FANCB: variants seen among roughly 807,000 people sequenced by gnomAD.
The protein encoded by FANCB is Fanconi anemia group B protein.
In FANCB, 5 loss-of-function variants were observed where a neutral mutation model predicts 38.9. The ratio of observed to expected loss-of-function variants is 0.13; its 90% confidence interval spans 0.07 to 0.27. FANCB has a LOEUF of 0.27. Ranked by LOEUF, FANCB falls within the 10% of genes least tolerant of loss-of-function variation. The probability of loss-of-function intolerance (pLI) is 1.00; values close to 1 mark genes in which losing one functional copy is unlikely to be tolerated. For missense variants in FANCB, 573 were observed against 602.7 expected, an observed-to-expected ratio of 0.95 and a Z score of 0.52; for synonymous variants, 236 against 215.4, an observed-to-expected ratio of 1.10 and a Z score of -0.84.
chrX:14,756,136 A>G, the FANCB span, among the ~76,000 whole-genome samples: 1 of 112,251 alleles, frequency 8.9e-6, no homozygotes, highest in African/African-American at 3.2e-5. Flanking sequence ...CAGAAAAATG[A>G]AACTAGACCC....
At chrX:14,710,098 C>A in the FANCB span, among the ~76,000 whole-genome samples, 2 of 111,684 alleles carry the variant, frequency 1.8e-5, no homozygotes, top group Non-Finnish European at 3.8e-5. Flanking sequence ...CACACCTGGG[C>A]GATTTCATCA....
the FANCB span, among the ~76,000 whole-genome samples, chrX:14,724,409 G>A: frequency 0.037 from 4,051 of 109,042 alleles, 164 homozygotes; most frequent in African/African-American, 0.11. Context: ...GTGCATCACC[G>A]GAAGTCAGGA....
chrX:14,754,923 AAT>A, the FANCB span, among the ~76,000 whole-genome samples: 4 of 111,850 alleles, frequency 3.6e-5, no homozygotes, highest in Non-Finnish European at 7.5e-5. Context: ...CTCCCTGATG[AAT>A]ATAGACGCAA....
At chrX:14,710,209 T>C in the FANCB span, among the ~76,000 whole-genome samples, 1 of 112,129 alleles carries the variant, frequency 8.9e-6, no homozygotes, top group Non-Finnish European at 1.9e-5. Flanking sequence ...TTGAGTTTAC[T>C]GAGCCCCCTG....
the FANCB span, among the ~76,000 whole-genome samples, chrX:14,783,376 A>C: frequency 2.2e-4 from 25 of 111,579 alleles, no homozygotes; most frequent in East Asian, 7.1e-3. Context: ...GAGTCCCCTA[A>C]ATCCCCAACC....
intron 5 of FANCB, among the ~76,000 whole-genome samples, chrX:14,855,073 C>T (rs1441802474): frequency 1.8e-5 from 2 of 111,600 alleles, no homozygotes; most frequent in Non-Finnish European, 3.8e-5. Context: ...CCACGATTTA[C>T]TTCTCCACTC....
intron 7 of FANCB, among the ~76,000 whole-genome samples, chrX:14,849,472 C>T (rs72614577): frequency 1.3e-4 from 15 of 111,822 alleles, no homozygotes; most frequent in African/African-American, 4.5e-4. Context: ...GGTTTCTCTG[C>T]GTACCCGTGG....
At chrX:14,809,372 C>A in the FANCB span, among the ~76,000 whole-genome samples, 2 of 112,345 alleles carry the variant, frequency 1.8e-5, no homozygotes, top group South Asian at 7.3e-4. Context: ...TGAAGCAGGG[C>A]GAGGCATTGC....
the FANCB span, among the ~76,000 whole-genome samples, chrX:14,830,003 G>C: frequency 8.9e-6 from 1 of 112,026 alleles, no homozygotes; most frequent in Non-Finnish European, 1.9e-5. Context: ...TTTCAAGTGA[G>C]AGACATGCAA....
chrX:14,726,111 T>C, the FANCB span, among the ~76,000 whole-genome samples: 1 of 112,583 alleles, frequency 8.9e-6, no homozygotes, highest in African/African-American at 3.2e-5. Context: ...TGAGTCTACC[T>C]GTAAATATGC....
At chrX:14,798,633 A>C in the FANCB span, among the ~76,000 whole-genome samples, 5 of 112,120 alleles carry the variant, frequency 4.5e-5, no homozygotes, top group Non-Finnish European at 1.9e-5. Flanking sequence ...GAAGTCAAAA[A>C]CTTATAAATA....
chrX:14,731,032 C>T, the FANCB span: 1 of 111,519 alleles, frequency 9.0e-6, no homozygotes, highest in Non-Finnish European at 1.9e-5. Context: ...GAAAATGCTG[C>T]CTCGTTTTTA....
At chrX:14,722,282 T>A in the FANCB span, among the ~76,000 whole-genome samples, 1 of 111,272 alleles carries the variant, frequency 9.0e-6, no homozygotes, top group Non-Finnish European at 1.9e-5. Context: ...TGGGCAGGCA[T>A]CATTCTTTCT....
chrX:14,840,344 T>C (rs1270658233), downstream of FANCB, among the ~76,000 whole-genome samples: 2 of 111,824 alleles, frequency 1.8e-5, no homozygotes, highest in Non-Finnish European at 3.8e-5. Flanking sequence ...CTGACAGTCT[T>C]TTCCTCACCA....
At chrX:14,834,978 T>A, downstream of FANCB, 1 of 682,043 alleles carries the variant, frequency 1.5e-6, no homozygotes, top group South Asian at 2.1e-5. Flanking sequence ...AGCTACTAAG[T>A]GCTGTCCACT....
At chrX:14,693,768 A>G in the FANCB span, among the ~76,000 whole-genome samples, 2 of 112,225 alleles carry the variant, frequency 1.8e-5, no homozygotes, top group Non-Finnish European at 3.8e-5. Flanking sequence ...CTAAAAATCA[A>G]TGGTACAAAG....
the FANCB span, among the ~76,000 whole-genome samples, chrX:14,826,283 C>T: frequency 9.0e-6 from 1 of 111,693 alleles, no homozygotes; most frequent in Non-Finnish European, 1.9e-5. Context: ...TGACTTCTGT[C>T]CCCAAGCAGA....
chrX:14,829,332 A>G, the FANCB span, among the ~76,000 whole-genome samples: 1 of 111,485 alleles, frequency 9.0e-6, no homozygotes, highest in Non-Finnish European at 1.9e-5. Flanking sequence ...TAGATTTAAC[A>G]TAATTCTTAA....
At chrX:14,828,108 C>A in the FANCB span, among the ~76,000 whole-genome samples, 5 of 112,114 alleles carry the variant, frequency 4.5e-5, no homozygotes, top group East Asian at 1.1e-3. Context: ...TTTAAAAATA[C>A]TTTATTCCTA....
Sources: allele counts gnomAD v4.1 joint callset (sites outside exome capture counted in the v4.1 genomes callset), GRCh38; gene constraint gnomAD v4.1.1; transcripts MANE v1.5; gene names NCBI Gene and HGNC (gene_info 2026-07-23, HGNC 2026-07-21).